The following SGIP1 variants were observed in gnomAD, a reference collection of about 807,000 sequenced individuals.
The protein encoded by SGIP1 is SH3-containing GRB2-like protein 3-interacting protein 1.
Under a neutral mutation model 107.5 loss-of-function variants are expected in SGIP1, and 38 were observed. The ratio of observed to expected loss-of-function variants is 0.35; its 90% CI spans 0.27 to 0.46. The LOEUF is 0.46. Among genes scored for constraint, SGIP1 ranks in the 20% least tolerant of loss-of-function variants. SGIP1 has a pLI of 1.00. For missense variants in SGIP1, 929 were observed against 1,019.5 expected, an observed-to-expected ratio of 0.91 and a Z score of 1.21; for synonymous variants, 365 against 366.1, an observed-to-expected ratio of 1.00 and a Z score of 0.03.
intron 1 of SGIP1, among the ~76,000 whole-genome samples, chr1:66,535,314 A>G (rs933493671): frequency 6.6e-6 from 1 of 152,204 alleles, no homozygotes; most frequent in Admixed American, 6.5e-5. Context: ...GATGACAGGC[A>G]GAAATTTGTC....
chr1:66,719,471 A>G lies in SGIP1; in HGVS notation c.1742+66A>G, dbSNP rs2093415234. 6 of 1,235,250 alleles carry G rather than the reference A, an allele frequency of 4.9e-6. No individual in the cohort carries two copies. The South Asian group carries it at 8.9e-5, about 18-fold the overall frequency. The allele number at this position is 1,235,250 out of a possible 1,614,324, so 76.5% of individuals were successfully genotyped here. A position where few individuals can be genotyped will look rare whatever the true frequency, so the allele number is the denominator to read the frequency against. ...TCCTATTGAGTGTGGAACAGCCTAA[A>G]TACAACCTTTTCATTTTTTCTTTTA... is the stretch of plus-strand genomic sequence containing the variant. On this transcript the variant is annotated intron_variant, in intron 19 of 24. Coordinates refer to ENST00000371037, the MANE Select transcript of SGIP1 (RefSeq NM_032291.4).
At chr1:66,742,045 C>A (rs893381205) in intron 24 of SGIP1, among the ~76,000 whole-genome samples, 2 of 152,138 alleles carry the variant, frequency 1.3e-5, no homozygotes, top group Non-Finnish European at 2.9e-5. Context: ...AGATTATAGG[C>A]GGTGAGCCAC....
At chr1:66,668,663 C>G (rs930804361) in intron 9 of SGIP1, among the ~76,000 whole-genome samples, 8 of 152,190 alleles carry the variant, frequency 5.3e-5, no homozygotes, top group Non-Finnish European at 1.2e-4. Context: ...TGCAAATACC[C>G]TGCCCCAGGT....
chr1:66,595,409 G>A (rs1011362165), intron 1 of SGIP1, among the ~76,000 whole-genome samples: 4 of 152,132 alleles, frequency 2.6e-5, no homozygotes, highest in African/African-American at 9.7e-5. Context: ...GTGATCCGGG[G>A]AATAGGCCAC....
chr1:66,677,375 A>C (rs1423111736), intron 13 of SGIP1, among the ~76,000 whole-genome samples: 1 of 152,218 alleles, frequency 6.6e-6, no homozygotes, highest in Admixed American at 6.5e-5. Context: ...ATTGTACGTA[A>C]GTAAGAATAA....
At chr1:66,670,515 A>G (rs17129313) in intron 9 of SGIP1, among the ~76,000 whole-genome samples, 11,701 of 152,210 alleles carry the variant, frequency 0.077, 471 homozygotes, top group South Asian at 0.097. Context: ...TGCCTTTTAC[A>G]CTTGCTATCT....
chr1:66,682,340 G>A lies in SGIP1; in HGVS notation c.1286G>A (p.Gly429Asp), dbSNP rs367882700. Residue 429 changes from glycine (G) to aspartate (D), a missense_variant, in exon 15 of 25, where the codon GGC (glycine) becomes GAC (aspartate). Gly to Asp is a moderately conservative substitution (Grantham distance 94). This residue lies in a region of SGIP1 where 588 missense variants were observed against 588.6 expected (regional missense o/e 1.00). Transcript: ENST00000371037. ...YRTVVSSPGP[G>D]SGPGPGTTSG... is the part of the protein sequence containing the mutation. ...ACTGTGGTTTCGTCCCCCGGACCTG[G>A]CTCGGGCCCTGGTCCGGGGACCACC... 2.5e-6 allele frequency: 4 copies of A among 1,613,402 alleles called. No individual in the cohort carries two copies. Among genetic ancestry groups the A allele is most frequent in the Admixed American group, 1.7e-5 (1 of 59,808 alleles).
chr1:66,695,620 G>GC, intron 18 of SGIP1, 127 bp downstream of exon 18: 1 of 827,464 alleles, frequency 1.2e-6, no homozygotes, highest in East Asian at 2.7e-5. Flanking sequence ...AAATGCTATG[G>GC]CTACTTAGAA....
chr1:66,712,430 C>A (rs1332984796), intron 18 of SGIP1, among the ~76,000 whole-genome samples: 1 of 152,186 alleles, frequency 6.6e-6, no homozygotes, highest in Non-Finnish European at 1.5e-5. Context: ...CGAACGCAGG[C>A]TTGCTCACTG....
At position 66,671,968 on chromosome 1, in the gene SGIP1, G is replaced by C. The variant is rs373835742; in HGVS notation, c.533G>C (p.Arg178Pro). Residue 178 changes from arginine (R) to proline (P), a missense_variant, in exon 11 of 25, where the codon CGT becomes CCT. Coordinates refer to ENST00000371037, the MANE Select transcript of SGIP1 (RefSeq NM_032291.4). ...LSSEEVARPR[R>P]STPTPELISK... The stretch of plus-strand genomic sequence containing the variant: ...GGTGAAGAAGTGGCAAGACCCAGGC[G>C]TTCCACACCAACTCCAGAACTTATA... 6.2e-7 allele frequency: 1 copy of C among 1,614,018 alleles called. No homozygotes were observed. Among genetic ancestry groups the C allele is most frequent in the Non-Finnish European group, 8.5e-7 (1 of 1,179,942 alleles).
At chr1:66,644,279 A>T (rs1021548732) in intron 7 of SGIP1, among the ~76,000 whole-genome samples, 3 of 152,078 alleles carry the variant, frequency 2.0e-5, no homozygotes, top group African/African-American at 7.2e-5. Context: ...GGTACCTCAG[A>T]TATAAGTATT....
intron 1 of SGIP1, among the ~76,000 whole-genome samples, chr1:66,590,133 A>G (rs2063384558): frequency 6.6e-6 from 1 of 152,200 alleles, no homozygotes; most frequent in South Asian, 2.1e-4. Context: ...ACATAAGGAT[A>G]AGAGAGGCTA....
chr1:66,686,995 G>A (rs2088501047), intron 15 of SGIP1, among the ~76,000 whole-genome samples: 2 of 152,140 alleles, frequency 1.3e-5, no homozygotes, highest in Admixed American at 6.5e-5. Context: ...TTTAAAACAA[G>A]GAAGCTGAGG....
rs2094581823 is a variant in SGIP1, at chr1:66,748,423, TTGAGTTGAC to T, written c.*5329_*5337del. On this transcript the variant is annotated 3_prime_UTR_variant, in exon 25 of 25. Transcript: ENST00000371037. Reference sequence around the variant, plus strand: ...GAAGGAATGTCAAATGTAAAGTCTGTTGAGTTGACCATGGTGAACCTCTTGATTGGCCCT... The same window carrying T: ...GAAGGAATGTCAAATGTAAAGTCTGTCATGGTGAACCTCTTGATTGGCCCT... The T allele has an allele frequency of 2.6e-5, 4 of 152,006 alleles. No homozygotes were observed. The highest frequency in any genetic ancestry group is 2.6e-4 in the Admixed American group (4 of 15,262). 9.4% of individuals were successfully genotyped at this position (152,006 alleles called of 1,614,324 possible).
At chr1:66,679,404 G>C (rs891392357) in intron 13 of SGIP1, among the ~76,000 whole-genome samples, 2 of 152,156 alleles carry the variant, frequency 1.3e-5, no homozygotes, top group African/African-American at 4.8e-5. Context: ...CTTGAGGTTT[G>C]TGTGTTGAAT....
chr1:66,596,474 C>G (rs142320461), intron 1 of SGIP1, among the ~76,000 whole-genome samples: 3 of 151,878 alleles, frequency 2.0e-5, no homozygotes, highest in Non-Finnish European at 4.4e-5. Context: ...CAGATGTGGG[C>G]ACAACAGTGT....
intron 9 of SGIP1, among the ~76,000 whole-genome samples, chr1:66,669,888 A>G (rs2083388878): frequency 1.3e-5 from 2 of 152,204 alleles, no homozygotes; most frequent in African/African-American, 4.8e-5. Context: ...GAAGCTTCTT[A>G]TAGGTCAATT....
At chr1:66,631,742 C>A (rs2074806571) in intron 2 of SGIP1, among the ~76,000 whole-genome samples, 1 of 144,588 alleles carries the variant, frequency 6.9e-6, no homozygotes, top group Non-Finnish European at 1.5e-5. Flanking sequence ...CACGGGCTCC[C>A]TGCCATGAAG....
chr1:66,587,363 A>AT (rs35613526), intron 1 of SGIP1, among the ~76,000 whole-genome samples: 35 of 145,808 alleles, frequency 2.4e-4, no homozygotes, highest in South Asian at 4.3e-4. Context: ...GGCTCTGTTC[A>AT]TTTTTTTTTT....
Sources: gnomAD v4.1 joint callset for allele counts (sites outside exome capture counted in the v4.1 genomes callset) on GRCh38, gnomAD v4.1.1 for gene constraint, gnomAD v4.1.1 regional missense constraint, MANE v1.5 for transcripts, NCBI Gene and HGNC (gene_info 2026-07-23, HGNC 2026-07-21) for gene names.